The following DENND6A variants were observed in gnomAD, a reference collection of about 807,000 sequenced individuals.
DENND6A encodes DENN domain containing 6A.
DENND6A carries 43 observed loss-of-function variants against 95.5 expected under a neutral mutation model. The observed-to-expected ratio is 0.45, with a 90% CI of 0.35 to 0.58. The LOEUF (loss-of-function observed/expected upper bound fraction) is 0.58. Ranked by LOEUF, DENND6A falls within the 20% of genes least tolerant of loss-of-function variation. The pLI is 0.00. For missense variants in DENND6A, 574 were observed against 736.0 expected (o/e 0.78, Z 2.55); for synonymous variants, 257 against 260.4 (o/e 0.99, Z 0.13).
Position 57,666,137 on chromosome 3 carries a change from G to A in DENND6A, c.418C>T (p.Pro140Ser). 6.2e-7 allele frequency: 1 copy of A among 1,613,350 alleles called. No individual in the cohort carries two copies. The highest frequency in any genetic ancestry group is 2.2e-5 in the East Asian group (1 of 44,852). ...ACTTTTCCAACCTTTAAGTAAACTG[G>A]TAAATCTTTGTCAAATTGATCCAGG... ...CLLDQFDKDL[P>S]VYLKKDPAYF... The change falls in exon 4 of 20, where the codon CCA becomes TCA. Residue 140 changes from proline (P) to serine (S), a missense_variant. This residue lies in a region of DENND6A where 452 missense variants were observed against 630.9 expected (regional missense o/e 0.72). Transcript: ENST00000311128.
intron 1 of DENND6A, among the ~76,000 whole-genome samples, chr3:57,688,903 C>T (rs1011918830): frequency 2.0e-5 from 3 of 151,898 alleles, no homozygotes; most frequent in African/African-American, 7.3e-5. Flanking sequence ...ACAAAAATGC[C>T]GAATATTAAT....
At chr3:57,681,994 A>T (rs919416727) in intron 1 of DENND6A, among the ~76,000 whole-genome samples, 21 of 152,148 alleles carry the variant, frequency 1.4e-4, no homozygotes, top group South Asian at 2.1e-4. Context: ...TGAATACCTG[A>T]ATTTTTAAAA....
intron 1 of DENND6A, among the ~76,000 whole-genome samples, chr3:57,673,609 A>C (rs1266057464): frequency 1.3e-5 from 2 of 152,248 alleles, no homozygotes; most frequent in African/African-American, 4.8e-5. Context: ...AGAAATGATA[A>C]ATGCTTGAAG....
At chr3:57,673,707 T>G (rs1420985236) in intron 1 of DENND6A, among the ~76,000 whole-genome samples, 1 of 152,234 alleles carries the variant, frequency 6.6e-6, no homozygotes, top group African/African-American at 2.4e-5. Context: ...TATGTGCAAC[T>G]ATTATATATC....
At chr3:57,667,172 G>C (rs963852011) in intron 3 of DENND6A, among the ~76,000 whole-genome samples, 6 of 152,164 alleles carry the variant, frequency 3.9e-5, no homozygotes, top group African/African-American at 1.4e-4. Flanking sequence ...GGGATTACAG[G>C]TGCGTGCCAC....
intron 1 of DENND6A, among the ~76,000 whole-genome samples, chr3:57,684,495 C>T (rs187115058): frequency 6.6e-6 from 1 of 152,258 alleles, no homozygotes; most frequent in Admixed American, 6.5e-5. Context: ...CATGGTGGCT[C>T]ATGCCTATAA....
intron 4 of DENND6A, among the ~76,000 whole-genome samples, chr3:57,665,668 T>C (rs2071514735): frequency 6.6e-6 from 1 of 152,106 alleles, no homozygotes; most frequent in African/African-American, 2.4e-5. Flanking sequence ...ACGTTCCTCA[T>C]GTACTTAAAA....
chr3:57,668,953 A>G (rs927346838), intron 3 of DENND6A, among the ~76,000 whole-genome samples: 3 of 152,162 alleles, frequency 2.0e-5, no homozygotes, highest in Non-Finnish European at 2.9e-5. Flanking sequence ...GCTCACTGCA[A>G]CCTCAGCATC....
At chr3:57,671,852 C>T (rs1024448711) in intron 3 of DENND6A, among the ~76,000 whole-genome samples, 6 of 152,194 alleles carry the variant, frequency 3.9e-5, no homozygotes, top group Non-Finnish European at 7.4e-5. Context: ...TATGGCCTTG[C>T]TTCCTAACCA....
chr3:57,692,688 G>C, intron 1 of DENND6A, 94 bp downstream of exon 1: 1 of 1,179,396 alleles, frequency 8.5e-7, no homozygotes, highest in Non-Finnish European at 1.1e-6. Flanking sequence ...GCCGCGGACA[G>C]GGTCCTGGCC....
chr3:57,661,889 A>G (rs1331906508), intron 5 of DENND6A, among the ~76,000 whole-genome samples: 1 of 152,208 alleles, frequency 6.6e-6, no homozygotes, highest in Non-Finnish European at 1.5e-5. Flanking sequence ...AACTTTCCCT[A>G]TTAAAGAAAG....
chr3:57,652,487 T>C (rs1045034718), intron 9 of DENND6A, among the ~76,000 whole-genome samples: 8 of 152,166 alleles, frequency 5.3e-5, no homozygotes, highest in Non-Finnish European at 7.4e-5. Flanking sequence ...GAGCCAGAAC[T>C]ACCCACCTAA....
rs1294769825 is a variant in DENND6A at position 57,630,915 on chromosome 3, A to G, written c.1407+10T>C. 6.2e-7 allele frequency: 1 copy of G among 1,613,162 alleles called. No homozygotes were observed. Among genetic ancestry groups the G allele is most frequent in the Non-Finnish European group, 8.5e-7 (1 of 1,179,818 alleles). ...TTAGAGGACCCAAATAGATTTGAAT[A>G]TATTCATACCTTCCATGGGGAAATA... On this transcript the variant is annotated intron_variant, in intron 16 of 19. Transcript: ENST00000311128.
At position 57,627,626 on chromosome 3, in the gene DENND6A, G is replaced by T. The variant is rs1332353637; in HGVS notation, c.*588C>A. 3 of 152,302 alleles carry T rather than the reference G, an allele frequency of 2.0e-5. No homozygotes were observed. The highest frequency in any genetic ancestry group is 4.4e-5 in the Non-Finnish European group (3 of 68,002). The allele number at this position is 152,302 out of a possible 1,614,324, so 9.4% of individuals were successfully genotyped here. A position where few individuals can be genotyped will look rare whatever the true frequency, so the allele number is the denominator to read the frequency against. On this transcript the variant is annotated 3_prime_UTR_variant, in exon 20 of 20. Coordinates refer to ENST00000311128, the MANE Select transcript of DENND6A (RefSeq NM_152678.3). ...TATTAATAAACACAATGGGTAGCAAGAAACTTTTTTTTTAAACAATGATCA... is the reference window on the plus strand; with the variant it reads ...TATTAATAAACACAATGGGTAGCAATAAACTTTTTTTTTAAACAATGATCA...
At chr3:57,657,607 C>A (rs2071351824) in intron 9 of DENND6A, 73 bp downstream of exon 9, 2 of 1,000,550 alleles carry the variant, frequency 2.0e-6, no homozygotes, top group Admixed American at 5.4e-5. Flanking sequence ...ATATAATATT[C>A]ATTTTTTAAA....
chr3:57,692,973 G>A lies in DENND6A; in HGVS notation c.46C>T (p.Pro16Ser), dbSNP rs1303104738. ...GCCCCTGCCACCGCTTCGTCCAACG[G>A]CCTTCGAGAGCCGGGCCCCAAGCCC... is the stretch of plus-strand genomic sequence containing the variant. ...PAGLGPGSRR[P>S]LDEAVAGAEG... The change falls in exon 1 of 20, where the codon CCG becomes TCG. Residue 16 changes from proline (P) to serine (S), a missense_variant. Pro to Ser is a moderately conservative substitution (Grantham distance 74, BLOSUM62 -1). Transcript: ENST00000311128. The A allele has an allele frequency of 5.2e-6, 8 of 1,527,088 alleles. No individual in the cohort carries two copies. The highest frequency in any genetic ancestry group is 1.4e-5 in the African/African-American group (1 of 69,758). 94.6% of individuals were successfully genotyped at this position (1,527,088 alleles called of 1,614,324 possible).
chr3:57,631,574 A>G (rs907362216), intron 15 of DENND6A, among the ~76,000 whole-genome samples: 2 of 152,172 alleles, frequency 1.3e-5, no homozygotes, highest in Non-Finnish European at 1.5e-5. Context: ...TTTTACATGC[A>G]TGATCTCTTG....
chr3:57,663,863 AC>A (rs1393760574), intron 4 of DENND6A, 147 bp from the exon 5 acceptor site: 1 of 424,474 alleles, frequency 2.4e-6, no homozygotes, highest in Non-Finnish European at 4.3e-6. Flanking sequence ...AGAGCTAGTT[AC>A]GCTTTTCCAG....
rs767515111 is a variant in DENND6A at position 57,692,853 on chromosome 3, C to A, written c.166G>T (p.Asp56Tyr). ...CAGTGCAGCCAGGCGGAGAAGCTGTCCCAGCGCAGCAGGCCCCGGCCACGG... is the reference window on the plus strand; with the variant it reads ...CAGTGCAGCCAGGCGGAGAAGCTGTACCAGCGCAGCAGGCCCCGGCCACGG... Reference protein sequence around the residue: ...DGRGRGLLRWDSFSAWLHCVC... With the variant: ...DGRGRGLLRWYSFSAWLHCVC... Residue 56 changes from aspartate (D) to tyrosine (Y), a missense_variant, in exon 1 of 20, where the codon GAC (aspartate) becomes TAC (tyrosine). Transcript: ENST00000311128. 1.3e-6 allele frequency: 2 copies of A among 1,585,194 alleles called. No homozygotes were observed. The highest frequency in any genetic ancestry group is 1.7e-6 in the Non-Finnish European group (2 of 1,169,436).
Sources: gnomAD v4.1 joint callset for allele counts (sites outside exome capture counted in the v4.1 genomes callset) on GRCh38, gnomAD v4.1.1 for gene constraint, gnomAD v4.1.1 regional missense constraint, MANE v1.5 for transcripts, NCBI Gene and HGNC (gene_info 2026-07-23, HGNC 2026-07-21) for gene names.